The following ICMT variants were observed in gnomAD, a reference collection of about 807,000 sequenced individuals.
The protein encoded by ICMT is protein-S-isoprenylcysteine O-methyltransferase.
In ICMT, 10 loss-of-function variants were observed where a neutral mutation model predicts 32.2. That is an observed-to-expected ratio of 0.31 (90% confidence interval 0.19 to 0.53). The LOEUF (loss-of-function observed/expected upper bound fraction) is 0.53. Among genes scored for constraint, ICMT ranks in the 20% least tolerant of loss-of-function variants. The pLI, the probability that ICMT is intolerant of heterozygous loss-of-function variation, is 0.96. For missense variants in ICMT, 265 were observed against 356.9 expected (o/e 0.74, Z 2.07); for synonymous variants, 183 against 158.2 (o/e 1.16, Z -1.18).
chr1:6,232,401 C>T (rs1318954639), intron 3 of ICMT, among the ~76,000 whole-genome samples: 1 of 152,180 alleles, frequency 6.6e-6, no homozygotes, highest in Non-Finnish European at 1.5e-5. Flanking sequence ...TCACGACCCC[C>T]GGCCACATGC....
intron 2 of ICMT, 64 bp from the exon 3 acceptor site, chr1:6,233,707 T>C: frequency 7.2e-7 from 1 of 1,392,530 alleles, no homozygotes; most frequent in Non-Finnish European, 1.0e-6. Flanking sequence ...TAAGTGCACA[T>C]CTGGGTCTCC....
Position 6,235,951 on chromosome 1 carries a change from T to TAGCCCGGAGAAACGCGCCGGCTGC in ICMT, c.-41_-40insGCAGCCGGCGCGTTTCTCCGGGCT, listed in dbSNP as rs1553151062. On this transcript the variant is annotated 5_prime_UTR_variant, in exon 1 of 5. Coordinates refer to ENST00000343813, the MANE Select transcript of ICMT (RefSeq NM_012405.4). ...GACTAGCGGGCGGCGGCGCCGGCTGTAGCCCGGAGAAACGCGCCGGCTGCG... is the reference window on the plus strand; with the variant it reads ...GACTAGCGGGCGGCGGCGCCGGCTGTAGCCCGGAGAAACGCGCCGGCTGCAGCCCGGAGAAACGCGCCGGCTGCG... 30,458 of 1,026,358 alleles carry TAGCCCGGAGAAACGCGCCGGCTGC rather than the reference T, an allele frequency of 0.03. 1,478 individuals carry two copies. Among genetic ancestry groups the TAGCCCGGAGAAACGCGCCGGCTGC allele is most frequent in the African/African-American group, 0.15 (8,326 of 57,118 alleles). The allele number at this position is 1,026,358 out of a possible 1,614,324, so 63.6% of individuals were successfully genotyped here.
chr1:6,229,589 G>A (rs1330379423), intron 4 of ICMT, among the ~76,000 whole-genome samples: 2 of 152,122 alleles, frequency 1.3e-5, no homozygotes, highest in Admixed American at 1.3e-4. Context: ...AACCCGGGAG[G>A]CGGAGGTTGC....
chr1:6,226,466 C>G (rs150453654), intron 4 of ICMT, among the ~76,000 whole-genome samples: 280 of 152,284 alleles, frequency 1.8e-3, no homozygotes, highest in African/African-American at 6.4e-3. Context: ...CATTCCCCAG[C>G]TCCTCAGGGA....
rs1170379907 is a variant in ICMT at position 6,235,890 on chromosome 1, C to G, written c.22G>C (p.Ala8Pro). The change falls in exon 1 of 5, where the codon GCT (alanine) becomes CCT (proline). Residue 8 changes from alanine to proline, a missense_variant. Coordinates refer to ENST00000343813, the MANE Select transcript of ICMT (RefSeq NM_012405.4). ...AGACGCGCCTCAGAGCCCGGCGGAGCCCGCGCCGCGCAGCCCGCCATGGCG... is the reference window on the plus strand; with the variant it reads ...AGACGCGCCTCAGAGCCCGGCGGAGGCCGCGCCGCGCAGCCCGCCATGGCG... MAGCAAR[A>P]PPGSEARLSL... 1.8e-6 allele frequency: 2 copies of G among 1,130,908 alleles called. No individual in the cohort carries two copies. Among genetic ancestry groups the G allele is most frequent in the Non-Finnish European group, 2.2e-6 (2 of 925,986 alleles). The allele number at this position is 1,130,908 out of a possible 1,614,324, so 70.1% of individuals were successfully genotyped here.
At position 6,235,946 on chromosome 1, in the gene ICMT, G is replaced by T. The variant is rs905754519; in HGVS notation, c.-35C>A. The T allele has an allele frequency of 8.2e-5, 88 of 1,068,690 alleles. No individual in the cohort carries two copies. The highest frequency in any genetic ancestry group is 9.5e-5 in the Non-Finnish European group (83 of 877,466). The allele number at this position is 1,068,690 out of a possible 1,614,324, so 66.2% of individuals were successfully genotyped here. On this transcript the variant is annotated 5_prime_UTR_variant, in exon 1 of 5. Transcript: ENST00000343813. ...CGGCGGACTAGCGGGCGGCGGCGCCGGCTGTAGCCCGGAGAAACGCGCCGG... is the reference window on the plus strand; with the variant it reads ...CGGCGGACTAGCGGGCGGCGGCGCCTGCTGTAGCCCGGAGAAACGCGCCGG...
intron 4 of ICMT, among the ~76,000 whole-genome samples, chr1:6,227,570 A>C (rs1051205737): frequency 1.3e-5 from 2 of 152,204 alleles, no homozygotes; most frequent in Non-Finnish European, 2.9e-5. Flanking sequence ...TCAAGAAATA[A>C]GGCGGCCAGG....
In ICMT at chr1:6,235,959, A is replaced by G. The variant is rs1399249401; in HGVS notation, c.-48T>C. ...GGCGGCGGCGCCGGCTGTAGCCCGGAGAAACGCGCCGGCTGCGCCTGCGCA... is the reference window on the plus strand; with the variant it reads ...GGCGGCGGCGCCGGCTGTAGCCCGGGGAAACGCGCCGGCTGCGCCTGCGCA... On this transcript the variant is annotated 5_prime_UTR_variant, in exon 1 of 5. Transcript: ENST00000343813. 3 of 1,005,266 alleles carry G rather than the reference A, an allele frequency of 3.0e-6. No homozygotes were observed. The highest frequency in any genetic ancestry group is 3.7e-6 in the Non-Finnish European group (3 of 821,296). 62.3% of individuals were successfully genotyped at this position (1,005,266 alleles called of 1,614,324 possible).
intron 1 of ICMT, 120 bp downstream of exon 1, chr1:6,235,597 C>G (rs1195255004): frequency 1.6e-6 from 1 of 629,928 alleles, no homozygotes. Flanking sequence ...CCTGAACTCG[C>G]GGATGAAGAG....
chr1:6,230,451 C>A (rs529621297), intron 4 of ICMT, among the ~76,000 whole-genome samples: 1 of 152,108 alleles, frequency 6.6e-6, no homozygotes, highest in South Asian at 2.1e-4. Flanking sequence ...GACGTGGTGG[C>A]AACACCTGTA....
chr1:6,224,752 C>CT lies in ICMT; in HGVS notation c.*327dup. On this transcript the variant is annotated 3_prime_UTR_variant, in exon 5 of 5. Coordinates refer to ENST00000343813, the MANE Select transcript of ICMT (RefSeq NM_012405.4). ...TCTCTCCCAGCGAGTCCTGGTTATCCTTTACTTACACTCTGGCCTCGGGGG... is the reference window on the plus strand; with the variant it reads ...TCTCTCCCAGCGAGTCCTGGTTATCCTTTTACTTACACTCTGGCCTCGGGGG... 3.8e-6 allele frequency: 1 copy of CT among 260,352 alleles called. No homozygotes were observed. The highest frequency in any genetic ancestry group is 8.7e-5 in the South Asian group (1 of 11,476). 16.1% of individuals were successfully genotyped at this position (260,352 alleles called of 1,614,324 possible).
Position 6,234,974 on chromosome 1 carries a change from T to C in ICMT, c.196A>G (p.Ile66Val), listed in dbSNP as rs779169900. Residue 66 changes from isoleucine to valine, a missense_variant and splice_region_variant, in exon 2 of 5, where the codon ATA (isoleucine) becomes GTA (valine). Transcript: ENST00000343813. ...LLLYRPPRYQ[I>V]AIRACFLGFV... Reference sequence around the variant, plus strand: ...CCCAGGAAACAAGCTCGGATGGCTATCTGAAAGGAACCCAAGAGAAGCTCA... The same window carrying C: ...CCCAGGAAACAAGCTCGGATGGCTACCTGAAAGGAACCCAAGAGAAGCTCA... 2 of 1,613,062 alleles carry C rather than the reference T, an allele frequency of 1.2e-6. No homozygotes were observed. The highest frequency in any genetic ancestry group is 1.3e-5 in the African/African-American group (1 of 74,998).
At position 6,232,023 on chromosome 1, in the gene ICMT, T is replaced by C. The variant is rs745725820; in HGVS notation, c.551A>G (p.Asn184Ser). Residue 184 changes from asparagine to serine, a missense_variant, in exon 4 of 5, where the codon AAT becomes AGT. Asn to Ser is a conservative substitution (Grantham distance 46). Coordinates refer to ENST00000343813, the MANE Select transcript of ICMT (RefSeq NM_012405.4). ...RKAAMFTAGS[N>S]FNHVVQNEKS... is the part of the protein sequence containing the mutation. ...TTCATTCTGTACCACGTGGTTGAAA[T>C]TGGAGCCAGCTGTAAACATGGCCGC... 1.2e-6 allele frequency: 2 copies of C among 1,614,132 alleles called. No individual in the cohort carries two copies. The highest frequency in any genetic ancestry group is 1.1e-5 in the South Asian group (1 of 91,068).
rs34741419 is a variant in ICMT, at chr1:6,229,783, T to TACACACAC, written c.672+2111_672+2118dup. Among the ~76,000 whole-genome samples, 114 of 146,696 alleles carry TACACACAC rather than the reference T, an allele frequency of 7.8e-4. 1 individual carries two copies. Among genetic ancestry groups the TACACACAC allele is most frequent in the African/African-American group, 2.7e-3 (107 of 39,266 alleles). On this transcript the variant is annotated intron_variant, in intron 4 of 4. Coordinates refer to ENST00000343813, the MANE Select transcript of ICMT (RefSeq NM_012405.4). ...AAAAACCATACATAAATAAAAAAAATACACACACACACACACACACACACA... is the reference window on the plus strand; with the variant it reads ...AAAAACCATACATAAATAAAAAAAATACACACACACACACACACACACACACACACACA...
intron 2 of ICMT, chr1:6,234,278 A>G (rs917884769): frequency 1.7e-5 from 6 of 356,022 alleles, no homozygotes; most frequent in Non-Finnish European, 3.3e-5. Context: ...ATAAAACATG[A>G]AAGAGGGAGA....
At position 6,231,991 on chromosome 1, in the gene ICMT, C is replaced by T. The variant is rs1242988176; in HGVS notation, c.583G>A (p.Asp195Asn). Reference sequence around the variant, plus strand: ...CCACTGGTCACCAGAGTATGTGTATCTGATTTTTCATTCTGTACCACGTGG... The same window carrying T: ...CCACTGGTCACCAGAGTATGTGTATTTGATTTTTCATTCTGTACCACGTGG... ...FNHVVQNEKS[D>N]THTLVTSGVY... is the part of the protein sequence containing the mutation. Residue 195 changes from aspartate to asparagine, a missense_variant, in exon 4 of 5, where the codon GAT (aspartate) becomes AAT (asparagine). This residue lies in a region of ICMT where 166 missense variants were observed against 264.3 expected (regional missense o/e 0.63). Coordinates refer to ENST00000343813, the MANE Select transcript of ICMT (RefSeq NM_012405.4). The T allele has an allele frequency of 3.1e-6, 5 of 1,614,108 alleles. No individual in the cohort carries two copies. The highest frequency in any genetic ancestry group is 4.2e-6 in the Non-Finnish European group (5 of 1,180,002).
chr1:6,230,814 G>T (rs1200375544), intron 4 of ICMT, among the ~76,000 whole-genome samples: 1 of 150,934 alleles, frequency 6.6e-6, no homozygotes, highest in African/African-American at 2.4e-5. Context: ...GCTTGAACCT[G>T]GGAGGCAGAG....
In ICMT at chr1:6,235,954, C is replaced by A. The variant is rs1158043442; in HGVS notation, c.-43G>T. The A allele has an allele frequency of 9.7e-7, 1 of 1,028,214 alleles. No homozygotes were observed. Among genetic ancestry groups the A allele is most frequent in the Non-Finnish European group, 1.2e-6 (1 of 841,680 alleles). 63.7% of individuals were successfully genotyped at this position (1,028,214 alleles called of 1,614,324 possible). ...TAGCGGGCGGCGGCGCCGGCTGTAGCCCGGAGAAACGCGCCGGCTGCGCCT... is the reference window on the plus strand; with the variant it reads ...TAGCGGGCGGCGGCGCCGGCTGTAGACCGGAGAAACGCGCCGGCTGCGCCT... On this transcript the variant is annotated 5_prime_UTR_variant, in exon 1 of 5. Coordinates refer to ENST00000343813, the MANE Select transcript of ICMT (RefSeq NM_012405.4).
chr1:6,235,636 G>T, intron 1 of ICMT, 81 bp downstream of exon 1: 1 of 968,234 alleles, frequency 1.0e-6, no homozygotes, highest in Non-Finnish European at 1.3e-6. Flanking sequence ...CTGCGGGCCC[G>T]GGGAGAAAGG....
Sources: gnomAD v4.1 joint callset for allele counts (sites outside exome capture counted in the v4.1 genomes callset) on GRCh38, gnomAD v4.1.1 for gene constraint, gnomAD v4.1.1 regional missense constraint, MANE v1.5 for transcripts, NCBI Gene and HGNC (gene_info 2026-07-23, HGNC 2026-07-21) for gene names.